PPP1R3A: variants seen among roughly 807,000 people sequenced by gnomAD.
The protein encoded by PPP1R3A is RG1.
Under a neutral mutation model 41.7 loss-of-function variants are expected in PPP1R3A, and 29 were observed. The ratio of observed to expected loss-of-function variants is 0.70; its 90% CI spans 0.52 to 0.95. PPP1R3A has a LOEUF of 0.95. Among genes scored for constraint, PPP1R3A ranks in the 40% least tolerant of loss-of-function variants. PPP1R3A has a pLI of 0.00. For missense variants in PPP1R3A, 1,352 were observed against 1,292.4 expected (o/e 1.05, Z -0.71); for synonymous variants, 485 against 453.4 (o/e 1.07, Z -0.89).
In PPP1R3A at chr7:113,877,813, G is replaced by A. The variant is rs1472746367; in HGVS notation, c.3279C>T (p.Asp1093=). ...LIFLITVYHY[D]LMIGLTFYVL... is the part of the protein sequence containing the mutation. ...CGTAGAATGTCAAGCCAATCATTAA[G>A]TCATAATGGTAGACAGTTATAAGAA... The change falls in exon 4 of 4, where the codon GAC becomes GAT. Residue 1093 remains aspartate, a synonymous_variant. Coordinates refer to ENST00000284601, the MANE Select transcript of PPP1R3A (RefSeq NM_002711.4). 1.2e-6 allele frequency: 2 copies of A among 1,608,104 alleles called. No homozygotes were observed. Among genetic ancestry groups the A allele is most frequent in the South Asian group, 1.1e-5 (1 of 90,860 alleles).
rs1288291094 is a variant in PPP1R3A, at chr7:113,879,466, T to C, written c.1626A>G (p.Glu542=). 1 of 1,613,388 alleles carries C rather than the reference T, an allele frequency of 6.2e-7. No homozygotes were observed. The highest frequency in any genetic ancestry group is 1.3e-5 in the African/African-American group (1 of 74,892). The change falls in exon 4 of 4, where the codon GAA becomes GAG. Residue 542 remains glutamate (E), a synonymous_variant. Coordinates refer to ENST00000284601, the MANE Select transcript of PPP1R3A (RefSeq NM_002711.4). ...KNFQTILHDQ[E]RKMGNPKISV... is the part of the protein sequence containing the mutation. ...TTATTTTAGGGTTACCCATCTTCCT[T>C]TCTTGGTCATGTAAGATTGTTTGGA...
chr7:113,918,338 G>A lies in PPP1R3A; in HGVS notation c.659C>T (p.Ser220Leu). ...RYETSVGTFW[S>L]NNNGTNYTFI... The stretch of plus-strand genomic sequence containing the variant: ...TGTATAATTTGTGCCATTATTATTT[G>A]ACCAAAATGTACCAACAGAAGTTTC... Residue 220 changes from serine to leucine, a missense_variant, in exon 1 of 4, where the codon TCA (serine) becomes TTA (leucine). Physicochemically the swap from Ser to Leu is moderately radical, Grantham distance 145 (BLOSUM62 -2). Transcript: ENST00000284601. 6.2e-7 allele frequency: 1 copy of A among 1,612,906 alleles called. No individual in the cohort carries two copies. Among genetic ancestry groups the A allele is most frequent in the Non-Finnish European group, 8.5e-7 (1 of 1,179,450 alleles).
At chr7:113,892,612 G>A (rs1796911422) in intron 1 of PPP1R3A, among the ~76,000 whole-genome samples, 2 of 151,986 alleles carry the variant, frequency 1.3e-5, no homozygotes, top group African/African-American at 4.8e-5. Flanking sequence ...AGGAACATTT[G>A]ATTAAAAGAG....
intron 1 of PPP1R3A, among the ~76,000 whole-genome samples, chr7:113,889,040 A>C (rs1796834334): frequency 6.6e-6 from 1 of 152,152 alleles, no homozygotes; most frequent in Admixed American, 6.5e-5. Flanking sequence ...ATAAAATCTA[A>C]ATTAATATAG....
chr7:113,883,514 C>A (rs1361946320), intron 1 of PPP1R3A, among the ~76,000 whole-genome samples: 1 of 151,572 alleles, frequency 6.6e-6, no homozygotes, highest in Non-Finnish European at 1.5e-5. Flanking sequence ...TTTTAGTGGG[C>A]CCACATATAG....
chr7:113,918,179 A>G (rs1797371371), intron 1 of PPP1R3A, 36 bp downstream of exon 1: 1 of 1,537,638 alleles, frequency 6.5e-7, no homozygotes, highest in Non-Finnish European at 8.8e-7. Context: ...AAACTTTAAG[A>G]TTGTGAATAA....
chr7:113,877,985 T>C lies in PPP1R3A; in HGVS notation c.3107A>G (p.Gln1036Arg), dbSNP rs1176857048. 6.2e-7 allele frequency: 1 copy of C among 1,613,282 alleles called. No individual in the cohort carries two copies. The highest frequency in any genetic ancestry group is 1.3e-5 in the African/African-American group (1 of 74,868). ...HENEGLVSSG[Q>R]SLYTSGEKES... ...CTTTTCACCTGAAGTGTATAGTGAT[T>C]GCCCAGAGCTTACTAATCCTTCATT... Residue 1036 changes from glutamine to arginine, a missense_variant, in exon 4 of 4, where the codon CAA (glutamine) becomes CGA (arginine). Physicochemically the swap from Gln to Arg is conservative, Grantham distance 43. Transcript: ENST00000284601.
At chr7:113,911,692 T>C (rs940948793) in intron 1 of PPP1R3A, among the ~76,000 whole-genome samples, 11 of 152,106 alleles carry the variant, frequency 7.2e-5, no homozygotes, top group African/African-American at 2.4e-4. Context: ...GAAGCAATGC[T>C]ATAAATACTC....
chr7:113,878,716 T>C lies in PPP1R3A; in HGVS notation c.2376A>G (p.Thr792=), dbSNP rs747404889. The change falls in exon 4 of 4, where the codon ACA becomes ACG. Residue 792 remains threonine, a synonymous_variant. Transcript: ENST00000284601. ...DSHYTLCQRD[T]VGVIYDNDFE... ...AATCATTGTCATAGATTACACCTAC[T>C]GTATCTCGTTGACAAAGGGTATAAT... The C allele has an allele frequency of 7.4e-6, 12 of 1,613,296 alleles. No individual in the cohort carries two copies. Among genetic ancestry groups the C allele is most frequent in the African/African-American group, 2.7e-5 (2 of 74,878 alleles).
chr7:113,879,162 C>A lies in PPP1R3A; in HGVS notation c.1930G>T (p.Glu644Ter). 1 of 1,613,650 alleles carries A rather than the reference C, an allele frequency of 6.2e-7. No homozygotes were observed. Among genetic ancestry groups the A allele is most frequent in the Non-Finnish European group, 8.5e-7 (1 of 1,179,784 alleles). ...TGCTGTGGGCTATTATCCTGATCTT[C>A]AGAATTAATCCCACCTGATTTTTCT... ...VEEKSGGINS[E>*]DQDNSPQHKQ... Residue 644 changes from glutamate to a stop codon, truncating the protein, a stop_gained, in exon 4 of 4, where the codon GAA becomes TAA. Coordinates refer to ENST00000284601, the MANE Select transcript of PPP1R3A (RefSeq NM_002711.4). LOFTEE classifies it low-confidence loss of function (END_TRUNC).
chr7:113,914,761 G>C (rs892703334), intron 1 of PPP1R3A, among the ~76,000 whole-genome samples: 1 of 152,066 alleles, frequency 6.6e-6, no homozygotes, highest in Non-Finnish European at 1.5e-5. Context: ...CTATGAGATA[G>C]AGCTGTAGTT....
At chr7:113,888,935 TTG>T (rs1251796950) in intron 1 of PPP1R3A, among the ~76,000 whole-genome samples, 1 of 152,280 alleles carries the variant, frequency 6.6e-6, no homozygotes. Flanking sequence ...CCCTGTTACG[TTG>T]TCTCTCCCCT....
intron 3 of PPP1R3A, among the ~76,000 whole-genome samples, chr7:113,880,779 G>A (rs538142602): frequency 5.3e-5 from 8 of 150,334 alleles, no homozygotes; most frequent in African/African-American, 1.7e-4. Flanking sequence ...CAAATCTTAC[G>A]TTTTCCCCTT....
Position 113,877,680 on chromosome 7 carries a change from G to C in PPP1R3A, c.*43C>G. On this transcript the variant is annotated 3_prime_UTR_variant, in exon 4 of 4. Coordinates refer to ENST00000284601, the MANE Select transcript of PPP1R3A (RefSeq NM_002711.4). ...CCCATTCACCAATCCAAATGTTTGG[G>C]GTTAAATAGCTTATCTTTTAAGAGA... is the stretch of plus-strand genomic sequence containing the variant. 1 of 1,507,898 alleles carries C rather than the reference G, an allele frequency of 6.6e-7. No homozygotes were observed. The highest frequency in any genetic ancestry group is 1.4e-5 in the African/African-American group (1 of 71,436). 93.4% of individuals were successfully genotyped at this position (1,507,898 alleles called of 1,614,324 possible).
At chr7:113,908,295 TAAG>T (rs1797179021) in intron 1 of PPP1R3A, among the ~76,000 whole-genome samples, 1 of 151,718 alleles carries the variant, frequency 6.6e-6, no homozygotes, top group Non-Finnish European at 1.5e-5. Flanking sequence ...CACACACACA[TAAG>T]AAAGAGATCA....
chr7:113,877,743 C>CT lies in PPP1R3A; in HGVS notation c.3348dup (p.Glu1117ArgfsTer18). On this transcript the variant is annotated frameshift_variant, in exon 4 of 4. Transcript: ENST00000284601. LOFTEE classifies it high-confidence loss of function. The stretch of plus-strand genomic sequence containing the variant: ...TGAGGTTACTTCTTTTTGACAGACT[C>CT]TTTTTGTCTACCCTCTTCCCAGGAT... 1 of 1,558,878 alleles carries CT rather than the reference C, an allele frequency of 6.4e-7. No homozygotes were observed.
rs756879447 is a variant in PPP1R3A, at chr7:113,882,075, T to A, written c.930A>T (p.Glu310Asp). Residue 310 changes from glutamate (E) to aspartate (D), a missense_variant, in exon 3 of 4, where the codon GAA becomes GAT. Coordinates refer to ENST00000284601, the MANE Select transcript of PPP1R3A (RefSeq NM_002711.4). ...ATTCTTTTTCATTATGTTCATCATG[T>A]TCCCTGTTTACATCTTTTACATTTC... ...SNRNVKDVNR[E>D]HDEHNEKELE... is the part of the protein sequence containing the mutation. 2 of 1,612,674 alleles carry A rather than the reference T, an allele frequency of 1.2e-6. No individual in the cohort carries two copies. Among genetic ancestry groups the A allele is most frequent in the East Asian group, 4.5e-5 (2 of 44,768 alleles).
intron 1 of PPP1R3A, among the ~76,000 whole-genome samples, chr7:113,907,591 A>C: frequency 6.6e-6 from 1 of 151,912 alleles, no homozygotes; most frequent in African/African-American, 2.4e-5. Flanking sequence ...TAGTTTCATA[A>C]TTGTTTTTTT....
chr7:113,918,761 T>G lies in PPP1R3A; in HGVS notation c.236A>C (p.Glu79Ala), dbSNP rs756678094. The G allele has an allele frequency of 1.9e-6, 3 of 1,613,930 alleles. No homozygotes were observed. Among genetic ancestry groups the G allele is most frequent in the African/African-American group, 1.3e-5 (1 of 75,026 alleles). The change falls in exon 1 of 4, where the codon GAA (glutamate) becomes GCA (alanine). Residue 79 changes from glutamate to alanine, a missense_variant. Coordinates refer to ENST00000284601, the MANE Select transcript of PPP1R3A (RefSeq NM_002711.4). The stretch of plus-strand genomic sequence containing the variant: ...ACTCGGTAATTCCCAGCAATCAAAT[T>G]CTTTAACAGACACAAGATTGAATCC... Reference protein sequence around the residue: ...SFGFNLVSVKEFDCWELPSAS... With the variant: ...SFGFNLVSVKAFDCWELPSAS...
Sources: allele counts gnomAD v4.1 joint callset (sites outside exome capture counted in the v4.1 genomes callset), GRCh38; gene constraint gnomAD v4.1.1; transcripts MANE v1.5; gene names NCBI Gene and HGNC (gene_info 2026-07-23, HGNC 2026-07-21).